The following CNOT4 variants were observed in gnomAD, a reference collection of about 807,000 sequenced individuals.
The protein encoded by CNOT4 is CCR4-associated factor 4.
CNOT4 carries 8 observed loss-of-function variants against 73.8 expected under a neutral mutation model. The ratio of observed to expected loss-of-function variants is 0.11; its 90% confidence interval spans 0.06 to 0.20. CNOT4 has a LOEUF of 0.20. Among genes scored for constraint, CNOT4 ranks in the 10% least tolerant of loss-of-function variants. The probability of loss-of-function intolerance (pLI) is 1.00; values close to 1 mark genes in which losing one functional copy is unlikely to be tolerated. For missense variants in CNOT4, 564 were observed against 883.4 expected (o/e 0.64, Z 4.58); for synonymous variants, 293 against 321.1 (o/e 0.91, Z 0.94).
chr7:135,454,427 G>T (rs558162104), intron 1 of CNOT4, among the ~76,000 whole-genome samples: 2 of 151,978 alleles, frequency 1.3e-5, no homozygotes, highest in Non-Finnish European at 2.9e-5. Flanking sequence ...GCCAAGGCAG[G>T]TGGATCGCTT....
intron 1 of CNOT4, among the ~76,000 whole-genome samples, chr7:135,508,382 TG>T (rs1804508119): frequency 6.6e-6 from 1 of 152,248 alleles, no homozygotes; most frequent in Non-Finnish European, 1.5e-5. Context: ...TGCTTTTTAC[TG>T]TAGATAACAA....
intron 1 of CNOT4, among the ~76,000 whole-genome samples, chr7:135,453,137 G>A (rs536735915): frequency 6.0e-4 from 91 of 152,054 alleles, no homozygotes; most frequent in Non-Finnish European, 1.1e-3. Context: ...CTTCTAGTCC[G>A]TCTGGACTCC....
intron 1 of CNOT4, among the ~76,000 whole-genome samples, chr7:135,454,863 G>A (rs563725621): frequency 1.1e-3 from 163 of 152,186 alleles, no homozygotes; most frequent in Middle Eastern, 3.4e-3. Context: ...CAGCCTGTGT[G>A]ACAGAGTGAC....
intron 1 of CNOT4, chr7:135,444,835 T>A: frequency 6.2e-7 from 1 of 1,606,080 alleles, no homozygotes; most frequent in Non-Finnish European, 8.5e-7. Flanking sequence ...AAGGCAGGGC[T>A]TTTGGCACTT....
intron 10 of CNOT4, chr7:135,388,820 T>A (rs772481992): frequency 6.2e-7 from 1 of 1,613,142 alleles, no homozygotes; most frequent in Non-Finnish European, 8.5e-7. Context: ...TGGAGACTTG[T>A]AGGCTGCTGT....
At chr7:135,415,413 T>C (rs1365454290) in intron 3 of CNOT4, 151 bp from the exon 4 acceptor site, 2 of 565,224 alleles carry the variant, frequency 3.5e-6, no homozygotes, top group Non-Finnish European at 6.2e-6. Flanking sequence ...AATTGCAGTT[T>C]GTGTAGCTAA....
chr7:135,489,714 T>C (rs1046473594), intron 1 of CNOT4, among the ~76,000 whole-genome samples: 3 of 152,124 alleles, frequency 2.0e-5, no homozygotes, highest in Non-Finnish European at 1.5e-5. Flanking sequence ...ACATTTCCTG[T>C]GCTCAGTAGT....
chr7:135,380,135 A>C (rs193066920), intron 10 of CNOT4, among the ~76,000 whole-genome samples: 7 of 152,266 alleles, frequency 4.6e-5, no homozygotes, highest in Admixed American at 3.3e-4. Flanking sequence ...AAAAAAAAAA[A>C]AACAAAAAAA....
At chr7:135,504,891 G>A (rs1250352920) in intron 1 of CNOT4, among the ~76,000 whole-genome samples, 1 of 152,066 alleles carries the variant, frequency 6.6e-6, no homozygotes, top group Non-Finnish European at 1.5e-5. Flanking sequence ...GCCTCCCAAA[G>A]TGCTGGGATT....
intron 1 of CNOT4, among the ~76,000 whole-genome samples, chr7:135,492,390 G>C (rs766847865): frequency 6.6e-6 from 1 of 152,160 alleles, no homozygotes; most frequent in Non-Finnish European, 1.5e-5. Flanking sequence ...GGGCAGAAAG[G>C]AGCAAGTGAG....
chr7:135,509,215 G>GT (rs1804571857), intron 1 of CNOT4: 1 of 152,408 alleles, frequency 6.6e-6, no homozygotes, highest in African/African-American at 2.4e-5. Context: ...AAACAGGTGG[G>GT]TTAGCAGGAG....
intron 10 of CNOT4, among the ~76,000 whole-genome samples, chr7:135,391,009 T>C (rs572872314): frequency 1.3e-5 from 2 of 152,236 alleles, no homozygotes; most frequent in Admixed American, 6.5e-5. Flanking sequence ...TGCTAAAAGA[T>C]ACAAAGTTGA....
intron 1 of CNOT4, among the ~76,000 whole-genome samples, chr7:135,457,672 C>T (rs980367316): frequency 6.6e-6 from 1 of 152,060 alleles, no homozygotes; most frequent in Admixed American, 6.6e-5. Flanking sequence ...ACTTAAAACT[C>T]TATTCAGACT....
chr7:135,498,709 C>T (rs1223878890), intron 1 of CNOT4, among the ~76,000 whole-genome samples: 3 of 152,072 alleles, frequency 2.0e-5, no homozygotes, highest in Non-Finnish European at 4.4e-5. Context: ...CCACCATGCC[C>T]GGCTAATTTT....
At chr7:135,503,011 G>C (rs1563087791) in intron 1 of CNOT4, among the ~76,000 whole-genome samples, 1 of 151,668 alleles carries the variant, frequency 6.6e-6, no homozygotes, top group African/African-American at 2.4e-5. Flanking sequence ...AAATTAGCTG[G>C]GCATGGTGGC....
intron 10 of CNOT4, among the ~76,000 whole-genome samples, chr7:135,375,298 T>C (rs1417778655): frequency 1.3e-5 from 2 of 152,186 alleles, no homozygotes; most frequent in African/African-American, 4.8e-5. Context: ...GAAGTGAGGA[T>C]GTTTGATCTA....
chr7:135,405,008 T>C (rs542430099), intron 7 of CNOT4, among the ~76,000 whole-genome samples: 1 of 152,314 alleles, frequency 6.6e-6, no homozygotes, highest in South Asian at 2.1e-4. Context: ...TAAAAAGTTT[T>C]TCCTAAGAGC....
At chr7:135,413,704 T>C (rs979035626) in intron 5 of CNOT4, 91 bp from the exon 6 acceptor site, 18 of 1,278,982 alleles carry the variant, frequency 1.4e-5, no homozygotes, top group Non-Finnish European at 1.9e-5. Flanking sequence ...TCAAGTCACC[T>C]AAAATGAGGC....
chr7:135,385,351 T>C (rs1219047153), intron 10 of CNOT4, among the ~76,000 whole-genome samples: 1 of 152,230 alleles, frequency 6.6e-6, no homozygotes, highest in Non-Finnish European at 1.5e-5. Context: ...ACTGTAAGAT[T>C]TCAAAGCAAC....
Sources: gnomAD v4.1 joint callset for allele counts (sites outside exome capture counted in the v4.1 genomes callset) on GRCh38, gnomAD v4.1.1 for gene constraint, MANE v1.5 for transcripts, NCBI Gene and HGNC (gene_info 2026-07-23, HGNC 2026-07-21) for gene names.